KAZN: variants seen among roughly 807,000 people sequenced by gnomAD.
The protein encoded by KAZN is kazrin.
A neutral mutation model predicts 87.4 loss-of-function variants in KAZN; 40 were observed. The observed-to-expected ratio is 0.46, with a 90% CI of 0.36 to 0.60. The LOEUF (loss-of-function observed/expected upper bound fraction) is 0.60, where lower values mean the gene tolerates loss of function less well. Among genes scored for constraint, KAZN ranks in the 20% least tolerant of loss-of-function variants. KAZN has a pLI of 0.00. For missense variants in KAZN, 898 were observed against 1,073.9 expected (o/e 0.84, Z 2.29); for synonymous variants, 466 against 458.3 (o/e 1.02, Z -0.22).
intron 1 of KAZN, among the ~76,000 whole-genome samples, chr1:14,169,200 G>A (rs1645897146): frequency 6.6e-6 from 1 of 152,022 alleles, no homozygotes; most frequent in Non-Finnish European, 1.5e-5. Flanking sequence ...TGGGTCTCAC[G>A]GTGGACGGAA....
intron 1 of KAZN, among the ~76,000 whole-genome samples, chr1:14,616,950 G>A (rs1276101290): frequency 1.3e-5 from 2 of 152,196 alleles, no homozygotes; most frequent in African/African-American, 4.8e-5. Flanking sequence ...TACAAGTCCA[G>A]GGGATGGCAT....
Position 14,598,826 on chromosome 1 carries a change from T to C in KAZN, c.-172T>C, listed in dbSNP as rs1676699190. ...CCGCGGCTAGGGCTGGAGGCGCCGC[T>C]GTCATTCCTGTGCCGGAGGAACCGG... On this transcript the variant is annotated 5_prime_UTR_variant, in exon 1 of 15. Coordinates refer to ENST00000376030, the MANE Select transcript of KAZN (RefSeq NM_201628.3). This position sits in a 1 kb window ranked among gnomAD's most constrained non-coding sequence, Gnocchi z 4.2. 11 of 1,369,138 alleles carry C rather than the reference T, an allele frequency of 8.0e-6. No homozygotes were observed. The East Asian group carries it at 3.5e-4, about 44-fold the overall frequency. The allele number at this position is 1,369,138 out of a possible 1,614,324, so 84.8% of individuals were successfully genotyped here.
Position 15,099,110 on chromosome 1 carries a change from G to A in KAZN, c.1548-2433G>A, listed in dbSNP as rs1280209729. ...CAGAGTCCATAGGAGTTCACTGGGGGAAGAGGGTGGGGTAGAGGACAGGCC... is the reference window on the plus strand; with the variant it reads ...CAGAGTCCATAGGAGTTCACTGGGGAAAGAGGGTGGGGTAGAGGACAGGCC... On this transcript the variant is annotated intron_variant, in intron 10 of 14. Transcript: ENST00000376030. This position sits in a 1 kb window ranked among gnomAD's most constrained non-coding sequence, Gnocchi z 5.4. Among the ~76,000 whole-genome samples, 2 of 152,210 alleles carry A rather than the reference G, an allele frequency of 1.3e-5. No homozygotes were observed. Among genetic ancestry groups the A allele is most frequent in the African/African-American group, 4.8e-5 (2 of 41,458 alleles).
intron 2 of KAZN, among the ~76,000 whole-genome samples, chr1:14,272,586 C>T (rs1010410797): frequency 7.2e-5 from 11 of 152,298 alleles, no homozygotes; most frequent in South Asian, 2.1e-4. Flanking sequence ...TGGCTGGGCA[C>T]AGTGGCTCAC....
intron 2 of KAZN, among the ~76,000 whole-genome samples, chr1:14,243,669 CAAAT>C (rs1316953992): frequency 1.3e-5 from 2 of 152,130 alleles, no homozygotes; most frequent in East Asian, 1.9e-4. Context: ...AACATCCAAA[CAAAT>C]AAATAATAAA....
At chr1:14,828,920 C>G (rs1646975635) in intron 1 of KAZN, among the ~76,000 whole-genome samples, 1 of 152,190 alleles carries the variant, frequency 6.6e-6, no homozygotes, top group African/African-American at 2.4e-5. Flanking sequence ...AACATTTGTA[C>G]TGCTTTAATC....
At chr1:14,134,712 T>C (rs1645067365) in intron 1 of KAZN, among the ~76,000 whole-genome samples, 1 of 152,114 alleles carries the variant, frequency 6.6e-6, no homozygotes, top group Non-Finnish European at 1.5e-5. Context: ...ATGATCCGCC[T>C]TGGGATTTCC....
chr1:15,050,145 TAATAGAATAGAATGG>T (rs1407289624), intron 4 of KAZN, among the ~76,000 whole-genome samples: 2 of 102,404 alleles, frequency 2.0e-5, no homozygotes, highest in Non-Finnish European at 3.7e-5. Flanking sequence ...CTCAATAGAA[TAATAGAATAGAATGG>T]AATAGAATAG....
At chr1:15,043,860 G>A (rs1673178215) in intron 3 of KAZN, 129 bp from the exon 4 acceptor site, 1 of 896,742 alleles carries the variant, frequency 1.1e-6, no homozygotes, top group South Asian at 2.1e-5. Context: ...AGCCAGGATG[G>A]TCTCAATCTC....
intron 2 of KAZN, among the ~76,000 whole-genome samples, chr1:14,230,800 C>T (rs1647748830): frequency 6.6e-6 from 1 of 152,084 alleles, no homozygotes; most frequent in Non-Finnish European, 1.5e-5. Flanking sequence ...GATTTATGAC[C>T]TCTTGAGGTG....
At chr1:14,053,563 T>C (rs1236094365) in intron 1 of KAZN, among the ~76,000 whole-genome samples, 1 of 152,192 alleles carries the variant, frequency 6.6e-6, no homozygotes, top group Non-Finnish European at 1.5e-5. Flanking sequence ...ATGACACTTA[T>C]TGAAATGGGG....
chr1:14,872,934 G>GCATA (rs1553149088), intron 1 of KAZN, among the ~76,000 whole-genome samples: 2 of 91,122 alleles, frequency 2.2e-5, no homozygotes, highest in South Asian at 5.7e-4. Flanking sequence ...ATGGATGGAT[G>GCATA]GATAGATGGA....
chr1:13,966,511 G>A (rs536394685), intron 1 of KAZN, among the ~76,000 whole-genome samples: 1 of 152,288 alleles, frequency 6.6e-6, no homozygotes, highest in South Asian at 2.1e-4. Flanking sequence ...CAGGGTCACT[G>A]ACAAGGAAGC....
intron 1 of KAZN, among the ~76,000 whole-genome samples, chr1:14,138,392 C>CTATGG (rs1645156160): frequency 6.6e-6 from 1 of 152,118 alleles, no homozygotes; most frequent in Admixed American, 6.5e-5. Flanking sequence ...CCTGTTCCTT[C>CTATGG]TATGGTTCAC....
intron 1 of KAZN, chr1:14,692,351 T>G: frequency 2.6e-6 from 1 of 377,658 alleles, no homozygotes; most frequent in Non-Finnish European, 4.8e-6. Context: ...CGATCTTTTC[T>G]TCTTGTTATT....
chr1:14,810,340 G>T, intron 1 of KAZN, among the ~76,000 whole-genome samples: 1 of 151,874 alleles, frequency 6.6e-6, no homozygotes, highest in Admixed American at 6.6e-5. Flanking sequence ...ATCATCCACT[G>T]GATTTCTCTT....
intron 1 of KAZN, among the ~76,000 whole-genome samples, chr1:14,800,993 AAC>A (rs1645992930): frequency 6.6e-6 from 1 of 151,968 alleles, no homozygotes; most frequent in Admixed American, 6.6e-5. Flanking sequence ...TATGCTAAAA[AAC>A]ACTGAATTGT....
chr1:14,208,878 A>G (rs1160795154), intron 2 of KAZN, among the ~76,000 whole-genome samples: 1 of 151,952 alleles, frequency 6.6e-6, no homozygotes, highest in African/African-American at 2.4e-5. Context: ...TGCTACCCAA[A>G]CTCCATTCTC....
At chr1:14,906,940 A>C (rs766813465) in intron 1 of KAZN, among the ~76,000 whole-genome samples, 1 of 151,866 alleles carries the variant, frequency 6.6e-6, no homozygotes, top group African/African-American at 2.4e-5. Context: ...GCACTGGAGC[A>C]GTGTTTTGTC....
Sources: gnomAD v4.1 joint callset for allele counts (sites outside exome capture counted in the v4.1 genomes callset) on GRCh38, gnomAD v4.1.1 for gene constraint, Gnocchi (gnomAD v3.1) non-coding constraint, MANE v1.5 for transcripts, NCBI Gene and HGNC (gene_info 2026-07-23, HGNC 2026-07-21) for gene names.